The following PARD3 variants were observed in gnomAD, a reference collection of about 807,000 sequenced individuals.
PARD3 encodes the protein par-3 family cell polarity regulator, also known as partitioning defective 3 homolog.
A neutral mutation model predicts 155.4 loss-of-function variants in PARD3; 75 were observed. The observed-to-expected ratio is 0.48, with a 90% CI of 0.40 to 0.58. The LOEUF is 0.58. Among genes scored for constraint, PARD3 ranks in the 20% least tolerant of loss-of-function variants. PARD3 has a pLI of 0.00. For synonymous variants in PARD3, 576 were observed against 610.5 expected (o/e 0.94, Z 0.83); for missense variants, 1,642 against 1,721.7 (o/e 0.95, Z 0.82).
intron 2 of PARD3, among the ~76,000 whole-genome samples, chr10:34,609,249 T>G (rs945265794): frequency 2.0e-5 from 3 of 152,216 alleles, no homozygotes; most frequent in African/African-American, 7.2e-5. Context: ...ATTATGAGTC[T>G]AAAATTAATT....
intron 2 of PARD3, among the ~76,000 whole-genome samples, chr10:34,633,071 T>C (rs540612464): frequency 2.0e-5 from 3 of 152,344 alleles, no homozygotes; most frequent in East Asian, 1.9e-4. Flanking sequence ...CAAGTTATCA[T>C]TGAGGTACAA....
At chr10:34,378,154 A>C in intron 9 of PARD3, 48 bp from the exon 10 acceptor site, 1 of 1,445,408 alleles carries the variant, frequency 6.9e-7, no homozygotes, top group Non-Finnish European at 9.4e-7. Context: ...GATATCTTGA[A>C]TTTTACAGGT....
At chr10:34,144,991 T>C (rs1200959501) in intron 22 of PARD3, among the ~76,000 whole-genome samples, 2 of 151,888 alleles carry the variant, frequency 1.3e-5, no homozygotes, top group Non-Finnish European at 2.9e-5. Context: ...AACTAAAATA[T>C]TTTGCGTTTG....
Position 34,426,948 on chromosome 10 carries a change from T to C in PARD3, c.714+23369A>G, listed in dbSNP as rs534611899. Among the ~76,000 whole-genome samples, 106 of 152,330 alleles carry C rather than the reference T, an allele frequency of 7.0e-4. 1 individual carries two copies. The highest frequency in any genetic ancestry group is 6.6e-3 in the South Asian group (32 of 4,826). ...CTTTACTGCAATCTCCGAACATAAATTGTGAAGATTTCATGGACATTTATC... is the reference window on the plus strand; with the variant it reads ...CTTTACTGCAATCTCCGAACATAAACTGTGAAGATTTCATGGACATTTATC... On this transcript the variant is annotated intron_variant, in intron 5 of 24. Transcript: ENST00000374788.
chr10:34,228,712 G>A (rs1952754784), intron 22 of PARD3, among the ~76,000 whole-genome samples: 1 of 152,024 alleles, frequency 6.6e-6, no homozygotes, highest in Admixed American at 6.5e-5. Flanking sequence ...AGGAAGATAT[G>A]GGATTTTAAG....
At chr10:34,800,837 G>C (rs1286935239) in intron 1 of PARD3, among the ~76,000 whole-genome samples, 1 of 152,062 alleles carries the variant, frequency 6.6e-6, no homozygotes, top group Non-Finnish European at 1.5e-5. Flanking sequence ...AAGAGCTTTC[G>C]ATCATGAGTC....
At chr10:34,561,056 T>G (rs546931127) in intron 2 of PARD3, among the ~76,000 whole-genome samples, 50 of 152,190 alleles carry the variant, frequency 3.3e-4, no homozygotes, top group Non-Finnish European at 6.3e-4. Context: ...GCGTCAAGTG[T>G]GCAGTTGCTG....
chr10:34,734,100 CTAATT>C (rs1281114129), intron 1 of PARD3, among the ~76,000 whole-genome samples: 2 of 151,794 alleles, frequency 1.3e-5, no homozygotes, highest in African/African-American at 2.4e-5. Flanking sequence ...TCCTAATCTC[CTAATT>C]TATTATTTAG....
chr10:34,598,748 G>A (rs760058877), intron 2 of PARD3, among the ~76,000 whole-genome samples: 8 of 152,174 alleles, frequency 5.3e-5, no homozygotes, highest in Admixed American at 3.9e-4. Context: ...GGTACCAGCA[G>A]TAAAGAGTTA....
At chr10:34,508,695 G>A (rs1589819529) in intron 3 of PARD3, among the ~76,000 whole-genome samples, 1 of 152,196 alleles carries the variant, frequency 6.6e-6, no homozygotes, top group African/African-American at 2.4e-5. Flanking sequence ...GTATATCACA[G>A]ACATGGTTCC....
intron 5 of PARD3, among the ~76,000 whole-genome samples, chr10:34,408,523 G>C (rs1223197566): frequency 6.6e-6 from 1 of 152,148 alleles, no homozygotes; most frequent in African/African-American, 2.4e-5. Context: ...ATTCCAAAGG[G>C]AATCTGTTTC....
chr10:34,299,712 A>G (rs1461266735), intron 20 of PARD3, among the ~76,000 whole-genome samples: 2 of 152,242 alleles, frequency 1.3e-5, no homozygotes, highest in African/African-American at 4.8e-5. Context: ...ACCTTCTGAA[A>G]AAGGAGTTCC....
intron 23 of PARD3, among the ~76,000 whole-genome samples, chr10:34,127,033 A>G (rs1947326027): frequency 6.6e-6 from 1 of 152,220 alleles, no homozygotes; most frequent in African/African-American, 2.4e-5. Flanking sequence ...CAAATGTACA[A>G]GATTTTTTCA....
chr10:34,209,114 A>G (rs1421339296), intron 22 of PARD3, among the ~76,000 whole-genome samples: 1 of 152,214 alleles, frequency 6.6e-6, no homozygotes, highest in East Asian at 1.9e-4. Context: ...AGAGGGAAAA[A>G]GATGACTTCA....
chr10:34,487,748 T>A lies in PARD3; in HGVS notation c.404-17485A>T, dbSNP rs118173012. ...TCAATCTAAATTAATTCTTCACATA[T>A]AATTTTATAGGTATATCTGCACCAA... On this transcript the variant is annotated intron_variant, in intron 3 of 24. Coordinates refer to ENST00000374788, the MANE Select transcript of PARD3 (RefSeq NM_001184785.2). Among the ~76,000 whole-genome samples the A allele has an allele frequency of 1.1e-3, 172 of 152,280 alleles. 4 individuals are homozygous for A. In the East Asian group the frequency reaches 0.031, roughly 27 times the overall value.
intron 2 of PARD3, among the ~76,000 whole-genome samples, chr10:34,633,313 T>G (rs2092344677): frequency 6.6e-6 from 1 of 152,198 alleles, no homozygotes; most frequent in Non-Finnish European, 1.5e-5. Flanking sequence ...AACCCAGGCT[T>G]TGTGCCCTTT....
At position 34,687,846 on chromosome 10, in the gene PARD3, C is replaced by CTTTTTTTTTTTTTTTTTTT. The variant is rs397846339; in HGVS notation, c.222+8453_222+8471dup. Among the ~76,000 whole-genome samples the CTTTTTTTTTTTTTTTTTTT allele has an allele frequency of 6.3e-5, 4 of 63,712 alleles. 1 individual carries two copies. The highest frequency in any genetic ancestry group is 7.8e-5 in the Non-Finnish European group (3 of 38,458). The allele number at this position is 63,712 out of a possible 152,430, so 41.8% of individuals were successfully genotyped here. A position where few individuals can be genotyped will look rare whatever the true frequency, so the allele number is the denominator to read the frequency against. On this transcript the variant is annotated intron_variant, in intron 2 of 24. Coordinates refer to ENST00000374788, the MANE Select transcript of PARD3 (RefSeq NM_001184785.2). ...ATGCCCGGTCAGTTACACCTGAAATCTTTTTTTTTTTTTTTTTTTTTTTTT... is the reference window on the plus strand; with the variant it reads ...ATGCCCGGTCAGTTACACCTGAAATCTTTTTTTTTTTTTTTTTTTTTTTTTTTTTTTTTTTTTTTTTTTT...
intron 5 of PARD3, among the ~76,000 whole-genome samples, chr10:34,434,451 A>G (rs1401029307): frequency 1.3e-5 from 2 of 152,232 alleles, no homozygotes; most frequent in African/African-American, 4.8e-5. Context: ...AAAGTTCAGC[A>G]GCTTGGTCAG....
chr10:34,641,651 G>A (rs2132948353), intron 2 of PARD3, among the ~76,000 whole-genome samples: 1 of 152,166 alleles, frequency 6.6e-6, no homozygotes, highest in East Asian at 1.9e-4. Context: ...CTCCGCAGGG[G>A]AGGCAACATA....
Sources: allele counts gnomAD v4.1 joint callset (sites outside exome capture counted in the v4.1 genomes callset), GRCh38; gene constraint gnomAD v4.1.1; transcripts MANE v1.5; gene names NCBI Gene and HGNC (gene_info 2026-07-23, HGNC 2026-07-21).